The following NUP153 variants were observed in gnomAD, a reference collection of about 807,000 sequenced individuals.
The protein encoded by NUP153 is nucleoporin 153.
Under a neutral mutation model 134.6 loss-of-function variants are expected in NUP153, and 27 were observed. The observed-to-expected ratio is 0.20, with a 90% CI of 0.15 to 0.28. The LOEUF (loss-of-function observed/expected upper bound fraction) is 0.28. Among genes scored for constraint, NUP153 ranks in the 10% least tolerant of loss-of-function variants. The pLI is 1.00. For synonymous variants in NUP153, 640 were observed against 623.5 expected (o/e 1.03, Z -0.40); for missense variants, 1,821 against 1,731.3 (o/e 1.05, Z -0.92).
rs116994251 is a variant in NUP153, at chr6:17,688,466, A to G, written c.264T>C (p.Tyr88=). ...TAATATTAGAGCTCTCCTCATCGGC[A>G]TATACCAGATGGTCCTCTTTATTTT... ...WPENKEDHLV[Y]ADEESSNITD... The change falls in exon 2 of 22, where the codon TAT becomes TAC. Residue 88 remains tyrosine (Y), a synonymous_variant. Coordinates refer to ENST00000262077, the MANE Select transcript of NUP153 (RefSeq NM_005124.4). The G allele has an allele frequency of 6.8e-6, 11 of 1,614,142 alleles. No individual in the cohort carries two copies. In the East Asian group the frequency reaches 2.0e-4, roughly 29 times the overall value.
rs202054964 is a variant in NUP153, at chr6:17,632,694, A to G, written c.2615T>C (p.Leu872Ser). 2.5e-6 allele frequency: 4 copies of G among 1,612,776 alleles called. No homozygotes were observed. Among genetic ancestry groups the G allele is most frequent in the Admixed American group, 3.3e-5 (2 of 59,718 alleles). The change falls in exon 17 of 22, where the codon TTG becomes TCG. Residue 872 changes from leucine (L) to serine (S), a missense_variant. Coordinates refer to ENST00000262077, the MANE Select transcript of NUP153 (RefSeq NM_005124.4). ...VQNKADSTKC[L>S]ACESAKPGTK... ...GCCTGGCTTTGCACTTTCACATGCCAAACATTTGGTAGAGTCTGCCTTATT... is the reference window on the plus strand; with the variant it reads ...GCCTGGCTTTGCACTTTCACATGCCGAACATTTGGTAGAGTCTGCCTTATT...
chr6:17,661,565 G>C (rs758759687), intron 11 of NUP153, 88 bp downstream of exon 11: 4 of 1,333,640 alleles, frequency 3.0e-6, no homozygotes, highest in Non-Finnish European at 4.0e-6. Flanking sequence ...GGGTCTCTTC[G>C]AACCCCACCC....
At position 17,625,678 on chromosome 6, in the gene NUP153, C is replaced by T. The variant is rs1479916469; in HGVS notation, c.3901+130G>A. On this transcript the variant is annotated intron_variant, in intron 19 of 21. Coordinates refer to ENST00000262077, the MANE Select transcript of NUP153 (RefSeq NM_005124.4). The surrounding 1 kb of genome is among the most constrained non-coding windows in gnomAD (Gnocchi z 4.7). ...CCATACAGTGAATAATTAAAACAAC[C>T]CTGGTATAGATGACCAAAAGGCATT... 2.8e-6 allele frequency: 2 copies of T among 706,578 alleles called. No individual in the cohort carries two copies. The highest frequency in any genetic ancestry group is 3.6e-5 in the African/African-American group (2 of 55,998). 43.8% of individuals were successfully genotyped at this position (706,578 alleles called of 1,614,324 possible). A position where few individuals can be genotyped will look rare whatever the true frequency, so the allele number is the denominator to read the frequency against.
intron 18 of NUP153, 103 bp from the exon 19 acceptor site, chr6:17,626,267 C>T (rs554318949): frequency 1.3e-5 from 10 of 795,170 alleles, no homozygotes; most frequent in African/African-American, 3.5e-5. Context: ...CCCTAGAATT[C>T]GCTAGAAAAT....
At chr6:17,647,719 C>A in intron 13 of NUP153, 88 bp downstream of exon 13, 1 of 861,176 alleles carries the variant, frequency 1.2e-6, no homozygotes, top group Non-Finnish European at 1.9e-6. Context: ...AACAGTGTTT[C>A]TCACCACCAG....
intron 2 of NUP153, among the ~76,000 whole-genome samples, chr6:17,679,198 C>T (rs945509078): frequency 8.6e-5 from 13 of 152,010 alleles, no homozygotes; most frequent in Non-Finnish European, 1.0e-4. Flanking sequence ...TAGCCAAGTA[C>T]CAGGATACAA....
At chr6:17,644,004 T>C (rs1765999549) in intron 14 of NUP153, among the ~76,000 whole-genome samples, 1 of 152,100 alleles carries the variant, frequency 6.6e-6, no homozygotes, top group South Asian at 2.1e-4. Context: ...GGAAACACAA[T>C]GGAAATTCCT....
At chr6:17,654,494 G>T (rs1048909982) in intron 11 of NUP153, among the ~76,000 whole-genome samples, 1 of 151,998 alleles carries the variant, frequency 6.6e-6, no homozygotes, top group African/African-American at 2.4e-5. Context: ...GCTAATTTTT[G>T]TATTTTTAGT....
At chr6:17,692,609 GT>G (rs1234424723) in intron 1 of NUP153, among the ~76,000 whole-genome samples, 2 of 152,160 alleles carry the variant, frequency 1.3e-5, no homozygotes, top group African/African-American at 4.8e-5. Context: ...ACATCCTTGT[GT>G]TTCAATACCC....
At chr6:17,665,058 A>AAAAAAAAAAAAAAG in intron 9 of NUP153, among the ~76,000 whole-genome samples, 181 bp downstream of exon 9, 1 of 151,682 alleles carries the variant, frequency 6.6e-6, no homozygotes, top group East Asian at 1.9e-4. Flanking sequence ...GTCTCAAAAA[A>AAAAAAAAAAAAAAG]AAAAAAATTT....
chr6:17,659,025 A>AT (rs1767009836), intron 11 of NUP153, among the ~76,000 whole-genome samples: 1 of 152,200 alleles, frequency 6.6e-6, no homozygotes, highest in Admixed American at 6.5e-5. Flanking sequence ...TGCAGCTGGC[A>AT]TTGGTCAACC....
intron 20 of NUP153, among the ~76,000 whole-genome samples, chr6:17,618,969 C>T (rs1421624804): frequency 1.3e-5 from 2 of 152,150 alleles, no homozygotes; most frequent in African/African-American, 4.8e-5. Flanking sequence ...ACAAAATCTT[C>T]AAATAAATAA....
Position 17,675,426 on chromosome 6 carries a change from A to G in NUP153, c.584-58T>C, listed in dbSNP as rs1451979702. On this transcript the variant is annotated intron_variant, in intron 3 of 21. Transcript: ENST00000262077. The surrounding 1 kb of genome is among the most constrained non-coding windows in gnomAD (Gnocchi z 4.4). ...CACCAATACAAGAGCCTAGATTTTT[A>G]TAAATAGAAAATAAAAATTACAACC... 1.9e-6 allele frequency: 3 copies of G among 1,569,202 alleles called. No individual in the cohort carries two copies. Among genetic ancestry groups the G allele is most frequent in the Admixed American group, 1.9e-5 (1 of 51,378 alleles).
At chr6:17,655,999 G>A (rs1766794572) in intron 11 of NUP153, among the ~76,000 whole-genome samples, 1 of 151,948 alleles carries the variant, frequency 6.6e-6, no homozygotes, top group Admixed American at 6.6e-5. Context: ...GAGGTCAGGA[G>A]TTTGAGACCA....
chr6:17,661,565 G>A (rs758759687), intron 11 of NUP153, 88 bp downstream of exon 11: 10 of 1,333,758 alleles, frequency 7.5e-6, no homozygotes, highest in Admixed American at 2.6e-5. Context: ...GGGTCTCTTC[G>A]AACCCCACCC....
intron 1 of NUP153, among the ~76,000 whole-genome samples, chr6:17,689,363 G>C (rs1440366637): frequency 5.3e-5 from 8 of 151,544 alleles, no homozygotes; most frequent in Admixed American, 5.3e-4. Flanking sequence ...CTCTAGCCCG[G>C]GCAACAAGGG....
At chr6:17,661,629 G>A in intron 11 of NUP153, 24 bp downstream of exon 11, 1 of 1,599,174 alleles carries the variant, frequency 6.3e-7, no homozygotes, top group East Asian at 2.3e-5. Context: ...TAAACCTCAA[G>A]AGTATATGAG....
chr6:17,701,838 G>GGGGT (rs1554148704), intron 1 of NUP153, among the ~76,000 whole-genome samples: 3 of 105,978 alleles, frequency 2.8e-5, no homozygotes, highest in Non-Finnish European at 4.1e-5. Context: ...GTCTCGGGGG[G>GGGGT]GGGGGGAAAA....
chr6:17,618,387 A>G (rs1390293394), intron 20 of NUP153, among the ~76,000 whole-genome samples: 1 of 152,138 alleles, frequency 6.6e-6, no homozygotes, highest in Non-Finnish European at 1.5e-5. Context: ...GGGAAAACTG[A>G]CTCAGCAAAG....
Sources: gnomAD v4.1 joint callset for allele counts (sites outside exome capture counted in the v4.1 genomes callset) on GRCh38, gnomAD v4.1.1 for gene constraint, Gnocchi (gnomAD v3.1) non-coding constraint, MANE v1.5 for transcripts, NCBI Gene and HGNC (gene_info 2026-07-23, HGNC 2026-07-21) for gene names.